DMBT1: variants seen among roughly 807,000 people sequenced by gnomAD.
The protein encoded by DMBT1 is scavenger receptor cysteine-rich domain-containing protein DMBT1.
Under a neutral mutation model 252.9 loss-of-function variants are expected in DMBT1, and 198 were observed. The observed-to-expected ratio is 0.78, with a 90% CI of 0.70 to 0.88. The LOEUF is 0.88. DMBT1 is among the 40% of genes least tolerant of loss of function. DMBT1 has a pLI of 0.00. For missense variants in DMBT1, 2,432 were observed against 2,404.7 expected (o/e 1.01, Z -0.24); for synonymous variants, 990 against 942.7 (o/e 1.05, Z -0.92).
At chr10:122,634,430 T>TCTTC (rs1312723532) in intron 52 of DMBT1, among the ~76,000 whole-genome samples, 1 of 74,188 alleles carries the variant, frequency 1.3e-5, no homozygotes, top group Non-Finnish European at 2.7e-5. Flanking sequence ...TCTCTCTCTC[T>TCTTC]TCTCTCTCTC....
intron 53 of DMBT1, among the ~76,000 whole-genome samples, chr10:122,636,621 G>C (rs916985739): frequency 1.3e-5 from 2 of 152,150 alleles, no homozygotes; most frequent in African/African-American, 4.8e-5. Flanking sequence ...GCTGGAAGTG[G>C]CTGAGATAAG....
At chr10:122,625,486 G>A (rs756456300) in intron 45 of DMBT1, among the ~76,000 whole-genome samples, 183 bp downstream of exon 45, 37 of 152,318 alleles carry the variant, frequency 2.4e-4, no homozygotes, top group African/African-American at 8.2e-4. Context: ...CTGGTTCACC[G>A]TGGAGGGCCC....
At position 122,591,433 on chromosome 10, in the gene DMBT1, C is replaced by T. The variant is rs760735429; in HGVS notation, c.2138-46C>T. The T allele has an allele frequency of 1.9e-6, 3 of 1,554,892 alleles. 1 individual carries two copies. In the South Asian group the frequency reaches 3.5e-5, roughly 18 times the overall value. ...AGAGACCTTTCCTTTTGGAGCTTTT[C>T]TCCCTCAACTTTAATTCTAGCCTTT... is the stretch of plus-strand genomic sequence containing the variant. On this transcript the variant is annotated intron_variant, in intron 18 of 55. Transcript: ENST00000338354.
At chr10:122,574,687 G>C (rs1250536782) in intron 6 of DMBT1, among the ~76,000 whole-genome samples, 2 of 152,324 alleles carry the variant, frequency 1.3e-5, no homozygotes, top group South Asian at 2.1e-4. Context: ...AGGAGAATCT[G>C]TTCCTTCCTC....
In DMBT1 at chr10:122,576,695, G is replaced by T; in HGVS notation, c.580G>T (p.Gly194Cys). The T allele has an allele frequency of 6.2e-7, 1 of 1,613,766 alleles. No individual in the cohort carries two copies. Among genetic ancestry groups the T allele is most frequent in the South Asian group, 1.1e-5 (1 of 91,062 alleles). ...CTGGCTCTCCCATAACTGTGGCCAT[G>T]GTGAAGATGCTGGTGTTATCTGCTC... is the stretch of plus-strand genomic sequence containing the variant. Reference protein sequence around the residue: ...NGWLSHNCGHGEDAGVICSAA... With the variant: ...NGWLSHNCGHCEDAGVICSAA... Residue 194 changes from glycine (G) to cysteine (C), a missense_variant, in exon 7 of 56, where the codon GGT becomes TGT. Coordinates refer to ENST00000338354, the MANE Select transcript of DMBT1 (RefSeq NM_001377530.1).
Position 122,633,270 on chromosome 10 carries a change from C to CAAT in DMBT1, c.6478_6480dup (p.Asn2160dup), listed in dbSNP as rs1461630412. 1.9e-6 allele frequency: 3 copies of CAAT among 1,614,010 alleles called. No homozygotes were observed. In the South Asian group the frequency reaches 3.3e-5, roughly 18 times the overall value. The stretch of plus-strand genomic sequence containing the variant: ...CATTCTATCCCGGGAACTATCCAAA[C>CAAT]AATGCCAAGTGTGTGTGGGACATTG... On this transcript the variant is annotated inframe_insertion, in exon 52 of 56. Coordinates refer to ENST00000338354, the MANE Select transcript of DMBT1 (RefSeq NM_001377530.1).
chr10:122,632,731 G>A, intron 50 of DMBT1, 130 bp from the exon 51 acceptor site: 1 of 1,232,234 alleles, frequency 8.1e-7, no homozygotes. Context: ...AGCTCCCCAA[G>A]GGCAAGGCCT....
rs771968696 is a variant in DMBT1, at chr10:122,586,375, T to A, written c.1775T>A (p.Ile592Asn). 9.4e-6 allele frequency: 15 copies of A among 1,588,592 alleles called. 3 individuals are homozygous for A. Among genetic ancestry groups the A allele is most frequent in the Non-Finnish European group, 1.3e-5 (15 of 1,165,784 alleles). Reference protein sequence around the residue: ...NCGHSEDAGVICSGPESSLAL... With the variant: ...NCGHSEDAGVNCSGPESSLAL... ...GGCCATAGTGAAGACGCTGGTGTCA[T>A]CTGCTCAGGTGGGCCTCCAAGACTT... Residue 592 changes from isoleucine to asparagine, a missense_variant, in exon 16 of 56, where the codon ATC becomes AAC. By Grantham distance (149) the Ile-to-Asn change is moderately radical. This residue lies in a region of DMBT1 where 1,264 missense variants were observed against 1,082.2 expected (regional missense o/e 1.17). Coordinates refer to ENST00000338354, the MANE Select transcript of DMBT1 (RefSeq NM_001377530.1).
At chr10:122,642,954 A>AGGCC (rs1289344500) in intron 55 of DMBT1, among the ~76,000 whole-genome samples, 168 bp from the exon 56 acceptor site, 1 of 152,122 alleles carries the variant, frequency 6.6e-6, no homozygotes, top group African/African-American at 2.4e-5. Context: ...ATTTCTCTGC[A>AGGCC]GGCCCCTCAG....
At position 122,593,222 on chromosome 10, in the gene DMBT1, G is replaced by T. The variant is rs545530750; in HGVS notation, c.2501-347G>T. 3.8e-4 allele frequency among the ~76,000 whole-genome samples: 56 copies of T among 148,920 alleles called. 3 individuals are homozygous for T. The highest frequency in any genetic ancestry group is 2.6e-3 in the Admixed American group (39 of 15,044). The stretch of plus-strand genomic sequence containing the variant: ...CAGGCATGGCCTTGTTATTGCCTGT[G>T]GTCGGGGCTTGAAGATCACACAAGG... On this transcript the variant is annotated intron_variant, in intron 20 of 55. Transcript: ENST00000338354.
intron 51 of DMBT1, 67 bp downstream of exon 51, chr10:122,632,957 A>G: frequency 1.2e-6 from 2 of 1,604,150 alleles, no homozygotes; most frequent in South Asian, 2.2e-5. Context: ...CCATTTCCTC[A>G]GTGACAATGG....
At chr10:122,627,355 A>AAC (rs139009577) in intron 46 of DMBT1, among the ~76,000 whole-genome samples, 33 of 150,740 alleles carry the variant, frequency 2.2e-4, no homozygotes, top group South Asian at 6.3e-4. Context: ...CACACACACA[A>AAC]ACACACACAC....
chr10:122,630,089 A>G, intron 47 of DMBT1, 96 bp downstream of exon 47: 1 of 1,538,064 alleles, frequency 6.5e-7, no homozygotes, highest in Non-Finnish European at 8.8e-7. Context: ...TTTCACTCTC[A>G]TGTGCCATGG....
At chr10:122,622,258 G>A (rs2133642769) in intron 44 of DMBT1, among the ~76,000 whole-genome samples, 1 of 152,346 alleles carries the variant, frequency 6.6e-6, no homozygotes, top group South Asian at 2.1e-4. Context: ...CTTGCTTGAA[G>A]CCTCTGGCCG....
At position 122,597,829 on chromosome 10, in the gene DMBT1, A is replaced by G. The variant is rs551071779; in HGVS notation, c.2918-145A>G. On this transcript the variant is annotated intron_variant, in intron 24 of 55. Transcript: ENST00000338354. ...ACCCTTGCTGAGCTTGCTGAGCTGC[A>G]GACTTGGGCAGACACATGGGGAGCA... is the stretch of plus-strand genomic sequence containing the variant. 124 of 1,211,288 alleles carry G rather than the reference A, an allele frequency of 1.0e-4. No individual in the cohort carries two copies. The African/African-American group carries it at 1.6e-3, about 15-fold the overall frequency. 75.0% of individuals were successfully genotyped at this position (1,211,288 alleles called of 1,614,324 possible).
chr10:122,617,552 G>T (rs2098005329), intron 40 of DMBT1, among the ~76,000 whole-genome samples: 1 of 151,592 alleles, frequency 6.6e-6, no homozygotes, highest in Admixed American at 6.6e-5. Flanking sequence ...CCTCTTTCCT[G>T]GCCCTCTGAC....
At chr10:122,584,809 C>G (rs1242611175) in intron 14 of DMBT1, among the ~76,000 whole-genome samples, 1 of 149,226 alleles carries the variant, frequency 6.7e-6, no homozygotes, top group Non-Finnish European at 1.5e-5. Context: ...CACCCAGATT[C>G]TGCAGCGCTA....
intron 44 of DMBT1, among the ~76,000 whole-genome samples, chr10:122,621,836 A>G (rs1391550703): frequency 6.6e-6 from 1 of 152,204 alleles, no homozygotes; most frequent in East Asian, 1.9e-4. Context: ...TTGGAGGCAT[A>G]TGGGCTAAGA....
In DMBT1 at chr10:122,598,022, C is replaced by A; in HGVS notation, c.2956+10C>A. 3.7e-6 allele frequency: 6 copies of A among 1,613,902 alleles called. No homozygotes were observed. The highest frequency in any genetic ancestry group is 3.4e-6 in the Non-Finnish European group (4 of 1,179,852). On this transcript the variant is annotated intron_variant, in intron 25 of 55. Coordinates refer to ENST00000338354, the MANE Select transcript of DMBT1 (RefSeq NM_001377530.1). Reference sequence around the variant, plus strand: ...CCTGCATCGACAGTAGGTAAATATTCCTCTCGCCCCTCCCTAGGGCTCACT... The same window carrying A: ...CCTGCATCGACAGTAGGTAAATATTACTCTCGCCCCTCCCTAGGGCTCACT...
Sources: allele counts gnomAD v4.1 joint callset (sites outside exome capture counted in the v4.1 genomes callset), GRCh38; gene constraint gnomAD v4.1.1; regional missense constraint gnomAD v4.1.1; transcripts MANE v1.5; gene names NCBI Gene and HGNC (gene_info 2026-07-23, HGNC 2026-07-21).